Variants in DCTN1 observed in about 807,000 individuals in gnomAD.
DCTN1 encodes the protein 150 kDa dynein-associated polypeptide.
In DCTN1, 61 loss-of-function variants were observed where a neutral mutation model predicts 161.2. The observed-to-expected ratio is 0.38, with a 90% confidence interval of 0.31 to 0.47. The LOEUF (loss-of-function observed/expected upper bound fraction) is 0.47, where lower values mean the gene tolerates loss of function less well. Among genes scored for constraint, DCTN1 ranks in the 20% least tolerant of loss-of-function variants. The pLI, the probability that DCTN1 is intolerant of heterozygous loss-of-function variation, is 0.99. For synonymous variants in DCTN1, 653 were observed against 632.4 expected (o/e 1.03, Z -0.49); for missense variants, 1,404 against 1,623.7 (o/e 0.86, Z 2.33).
upstream of DCTN1, among the ~76,000 whole-genome samples, chr2:74,382,810 C>T (rs1015780861): frequency 9.9e-5 from 15 of 152,066 alleles, no homozygotes; most frequent in East Asian, 5.8e-4. Flanking sequence ...CGGTGGCTCA[C>T]GCCTGTAATC....
Position 74,367,735 on chromosome 2 carries a change from G to C in DCTN1, c.2145C>G (p.Val715=). ...LLHKDQLDET[V]NVEPLTKAIK... ...TGGCCTTGGTGAGAGGCTCCACATT[G>C]ACAGTCTCATCCAGCTGATCCTTGT... is the stretch of plus-strand genomic sequence containing the variant. Residue 715 remains valine (V), a synonymous_variant, in exon 18 of 32, where the codon GTC becomes GTG. Transcript: ENST00000628224. 6.2e-7 allele frequency: 1 copy of C among 1,614,142 alleles called. No homozygotes were observed. Among genetic ancestry groups the C allele is most frequent in the Non-Finnish European group, 8.5e-7 (1 of 1,180,040 alleles).
In DCTN1 at chr2:74,374,177, C is replaced by T. The variant is rs771152286; in HGVS notation, c.432+146G>A. On this transcript the variant is annotated intron_variant, in intron 6 of 31. Coordinates refer to ENST00000628224, the MANE Select transcript of DCTN1 (RefSeq NM_004082.5). ...GGGTGTGGGGCATAGTGGTGACACA[C>T]ACCTCTCCCTAACCCACCTTCGTCC... The T allele has an allele frequency of 3.2e-5, 26 of 802,778 alleles. No homozygotes were observed. In the African/African-American group the frequency reaches 3.9e-4, roughly 12 times the overall value. 49.7% of individuals were successfully genotyped at this position (802,778 alleles called of 1,614,324 possible).
At chr2:74,364,526 A>T (rs574540310) in intron 26 of DCTN1, 1 of 181,408 alleles carries the variant, frequency 5.5e-6, no homozygotes, top group Non-Finnish European at 1.2e-5. Flanking sequence ...TGGTAACCAG[A>T]AAAACTCTAG....
chr2:74,366,018 G>T lies in DCTN1; in HGVS notation c.2761C>A (p.Pro921Thr). 6.2e-7 allele frequency: 1 copy of T among 1,614,240 alleles called. No individual in the cohort carries two copies. The highest frequency in any genetic ancestry group is 8.5e-7 in the Non-Finnish European group (1 of 1,180,048). ...EYDAERPPSK[P>T]PPVELRAAAL... ...GCAGCCCGCAGTTCAACCGGTGGAG[G>T]CTAAGGAATGGTCGGTAGGGGGTGA... Residue 921 changes from proline to threonine, a missense_variant and splice_region_variant, in exon 24 of 32, where the codon CCT (proline) becomes ACT (threonine). Physicochemically the swap from Pro to Thr is conservative, Grantham distance 38 (BLOSUM62 -1). Coordinates refer to ENST00000628224, the MANE Select transcript of DCTN1 (RefSeq NM_004082.5).
chr2:74,362,913 GAACCAC>G, intron 29 of DCTN1, 75 bp downstream of exon 29: 2 of 1,504,860 alleles, frequency 1.3e-6, no homozygotes, highest in Non-Finnish European at 1.8e-6. Context: ...TGTGGTGGGG[GAACCAC>G]CTGAGCAGGG....
intron 29 of DCTN1, 65 bp downstream of exon 29, chr2:74,362,929 G>C (rs994460715): frequency 1.8e-5 from 29 of 1,572,148 alleles, no homozygotes; most frequent in Non-Finnish European, 2.4e-5. Context: ...CCTGAGCAGG[G>C]GCTAAATCCC....
In DCTN1 at chr2:74,368,150, G is replaced by C. The variant is rs907584562; in HGVS notation, c.1855-19C>G. 1 of 1,569,184 alleles carries C rather than the reference G, an allele frequency of 6.4e-7. No homozygotes were observed. The highest frequency in any genetic ancestry group is 8.6e-7 in the Non-Finnish European group (1 of 1,156,440). On this transcript the variant is annotated intron_variant, in intron 16 of 31. Coordinates refer to ENST00000628224, the MANE Select transcript of DCTN1 (RefSeq NM_004082.5). The stretch of plus-strand genomic sequence containing the variant: ...GCTCTGCCTGTGGGAAAAAGCACCA[G>C]GAACCTGGGCCTCAGAGCAGAGGAT...
At chr2:74,379,653 T>C (rs1181625102) in intron 1 of DCTN1, among the ~76,000 whole-genome samples, 3 of 151,994 alleles carry the variant, frequency 2.0e-5, no homozygotes, top group Admixed American at 1.3e-4. Context: ...AGAAAGCAAG[T>C]AACAAATAAC....
At chr2:74,374,582 G>C in intron 5 of DCTN1, 1 of 1,309,678 alleles carries the variant, frequency 7.6e-7, no homozygotes, top group Non-Finnish European at 9.9e-7. Flanking sequence ...GGCCCCCGCA[G>C]ACGTGCAGCT....
rs1274892035 is a variant in DCTN1 at position 74,380,176 on chromosome 2, T to C, written c.-139A>G. ...GTCAGGCACAGCCCTCCCCAGTCCA[T>C]GGGCCTCACTCGGTGGCCTACACGG... On this transcript the variant is annotated 5_prime_UTR_variant, in exon 1 of 32. It removes an upstream start codon present in the reference 5' UTR. Coordinates refer to ENST00000628224, the MANE Select transcript of DCTN1 (RefSeq NM_004082.5). 2.2e-6 allele frequency: 2 copies of C among 890,946 alleles called. No homozygotes were observed. Among genetic ancestry groups the C allele is most frequent in the African/African-American group, 1.6e-5 (1 of 60,684 alleles). 55.2% of individuals were successfully genotyped at this position (890,946 alleles called of 1,614,324 possible).
chr2:74,369,311 C>T lies in DCTN1; in HGVS notation c.1573G>A (p.Ala525Thr), dbSNP rs376564889. The change falls in exon 14 of 32, where the codon GCC (alanine) becomes ACC (threonine). Residue 525 changes from alanine to threonine, a missense_variant. Transcript: ENST00000628224. The surrounding 1 kb of genome is among the most constrained non-coding windows in gnomAD (Gnocchi z 4.9). ...CAGTGGGCATGTACCTGTAGATGGG[C>T]GGTCAGCTGGCGGTACTTCTTGATG... Reference protein sequence around the residue: ...QTIKKYRQLTAHLQDVNRELT... With the variant: ...QTIKKYRQLTTHLQDVNRELT... 2.7e-5 allele frequency: 44 copies of T among 1,614,034 alleles called. No individual in the cohort carries two copies. In the African/African-American group the frequency reaches 3.9e-4, roughly 14 times the overall value.
chr2:74,371,932 G>T, intron 7 of DCTN1: 1 of 576,632 alleles, frequency 1.7e-6, no homozygotes, highest in Non-Finnish European at 3.1e-6. Context: ...TAGTGACAAA[G>T]GACAGGGGGA....
In DCTN1 at chr2:74,371,000, C is replaced by A; in HGVS notation, c.822G>T (p.Arg274=). The A allele has an allele frequency of 6.2e-7, 1 of 1,614,110 alleles. No individual in the cohort carries two copies. Among genetic ancestry groups the A allele is most frequent in the Non-Finnish European group, 8.5e-7 (1 of 1,180,040 alleles). ...AAACCTTTCTCGCCTCCTTGAGGCG[C>A]CGCTGCAGGTCGGCCTGCTGCTCCT... is the stretch of plus-strand genomic sequence containing the variant. ...KMQEQQADLQ[R]RLKEARKEAK... is the part of the protein sequence containing the mutation. Residue 274 remains arginine (R), a synonymous_variant, in exon 9 of 32, where the codon CGG becomes CGT. Coordinates refer to ENST00000628224, the MANE Select transcript of DCTN1 (RefSeq NM_004082.5). The surrounding 1 kb of genome is among the most constrained non-coding windows in gnomAD (Gnocchi z 4.4).
At chr2:74,375,586 G>C (rs1418254999) in intron 5 of DCTN1, among the ~76,000 whole-genome samples, 1 of 152,118 alleles carries the variant, frequency 6.6e-6, no homozygotes, top group African/African-American at 2.4e-5. Flanking sequence ...ACCAGGCTGG[G>C]GCCAGAACTC....
In DCTN1 at chr2:74,369,002, C is replaced by A; in HGVS notation, c.1701+96G>T. On this transcript the variant is annotated intron_variant, in intron 15 of 31. Transcript: ENST00000628224. This position sits in a 1 kb window ranked among gnomAD's most constrained non-coding sequence, Gnocchi z 4.9. ...GCCCAGGCCAGAGTCTTCCAAACCA[C>A]CACACAAAGCACCCCTTCCCCCAGG... The A allele has an allele frequency of 6.4e-7, 1 of 1,560,122 alleles. No homozygotes were observed. Among genetic ancestry groups the A allele is most frequent in the Non-Finnish European group, 8.8e-7 (1 of 1,132,980 alleles).
intron 29 of DCTN1, 122 bp downstream of exon 29, chr2:74,362,872 G>C: frequency 2.2e-6 from 3 of 1,347,788 alleles, no homozygotes; most frequent in Non-Finnish European, 3.1e-6. Flanking sequence ...ACTGAACAGT[G>C]AAGCCAAAGA....
chr2:74,374,215 C>T, intron 6 of DCTN1, 108 bp downstream of exon 6: 2 of 1,270,172 alleles, frequency 1.6e-6, no homozygotes, highest in Non-Finnish European at 2.3e-6. Flanking sequence ...ACCCGCCTCC[C>T]CGACCAGGTA....
At position 74,378,102 on chromosome 2, in the gene DCTN1, G is replaced by A. The variant is rs72466484; in HGVS notation, c.177C>T (p.Gly59=). The change falls in exon 2 of 32, where the codon GGC becomes GGT. Residue 59 remains glycine, a synonymous_variant. Coordinates refer to ENST00000628224, the MANE Select transcript of DCTN1 (RefSeq NM_004082.5). ...ATLFATGKWV[G]VILDEAKGKN... ...TGCCCTTTGCTTCATCCAGAATCAC[G>A]CCTACCCATTTGCCAGTGGCAAACA... 16 of 1,614,198 alleles carry A rather than the reference G, an allele frequency of 9.9e-6. No individual in the cohort carries two copies. The highest frequency in any genetic ancestry group is 1.2e-5 in the Non-Finnish European group (14 of 1,180,040).
At chr2:74,377,623 G>A (rs1273225785) in intron 3 of DCTN1, 25 bp downstream of exon 3, 1 of 1,605,596 alleles carries the variant, frequency 6.2e-7, no homozygotes, top group African/African-American at 1.3e-5. Flanking sequence ...CTATGGGGAG[G>A]CAACTTTAAG....
Sources: allele counts gnomAD v4.1 joint callset (sites outside exome capture counted in the v4.1 genomes callset), GRCh38; gene constraint gnomAD v4.1.1; non-coding constraint Gnocchi (gnomAD v3.1); transcripts MANE v1.5; gene names NCBI Gene and HGNC (gene_info 2026-07-23, HGNC 2026-07-21).